The following RHEBL1 variants were observed in gnomAD, a reference collection of about 807,000 sequenced individuals.
RHEBL1 encodes GTPase RhebL1.
Under a neutral mutation model 27.4 loss-of-function variants are expected in RHEBL1, and 22 were observed. The observed-to-expected ratio is 0.80, with a 90% CI of 0.57 to 1.15. The LOEUF is 1.15. Among genes scored for constraint, RHEBL1 ranks in the 50% most tolerant of loss-of-function variants. RHEBL1 has a pLI of 0.00. For missense variants in RHEBL1, 186 were observed against 226.5 expected, an observed-to-expected ratio of 0.82 and a Z score of 1.15; for synonymous variants, 85 against 80.8, an observed-to-expected ratio of 1.05 and a Z score of -0.28.
In RHEBL1 at chr12:49,067,040, A is replaced by C; in HGVS notation, c.125-5T>G. 6.2e-7 allele frequency: 1 copy of C among 1,611,922 alleles called. No homozygotes were observed. Among genetic ancestry groups the C allele is most frequent in the Non-Finnish European group, 8.5e-7 (1 of 1,178,430 alleles). On this transcript the variant is annotated splice_region_variant and splice_polypyrimidine_tract_variant and intron_variant, in intron 2 of 7. Transcript: ENST00000301068. ...GAGTCACTATCTTGCTGTAAGCTGA[A>C]AAGAAAAGAAAACTTGACTGTGAAG...
At chr12:49,069,669 C>G in intron 1 of RHEBL1, 65 bp downstream of exon 1, 2 of 1,451,010 alleles carry the variant, frequency 1.4e-6, no homozygotes, top group Non-Finnish European at 1.9e-6. Context: ...CGCGTTCCCA[C>G]GGCAGCGCGC....
intron 2 of RHEBL1, among the ~76,000 whole-genome samples, chr12:49,068,161 C>T (rs1284974143): frequency 6.7e-6 from 1 of 149,734 alleles, no homozygotes; most frequent in Non-Finnish European, 1.5e-5. Context: ...CATTGCTTCA[C>T]TCTTGTTGCC....
Position 49,066,502 on chromosome 12 carries a change from C to T in RHEBL1, c.306G>A (p.Lys102=). Residue 102 remains lysine, a synonymous_variant, in exon 5 of 8, where the codon AAG becomes AAA. Transcript: ENST00000301068. ...GGGTTTTCCCATGGCCTTCATGTAGCTTTTGGTACAGACTCTCAATGACTT... is the reference window on the plus strand; with the variant it reads ...GGGTTTTCCCATGGCCTTCATGTAGTTTTTGGTACAGACTCTCAATGACTT... ...SFQVIESLYQ[K]LHEGHGKTRV... is the part of the protein sequence containing the mutation. The T allele has an allele frequency of 6.2e-7, 1 of 1,614,168 alleles. No individual in the cohort carries two copies. Among genetic ancestry groups the T allele is most frequent in the Non-Finnish European group, 8.5e-7 (1 of 1,180,038 alleles).
Position 49,066,842 on chromosome 12 carries a change from G to A in RHEBL1, c.192+126C>T, listed in dbSNP as rs1005711107. On this transcript the variant is annotated intron_variant, in intron 3 of 7. Transcript: ENST00000301068. The stretch of plus-strand genomic sequence containing the variant: ...CATGTATTTATGGAACAGCTCCAAT[G>A]AGCCCTGCATACTGTTAGCAGGTAA... 12 of 1,084,482 alleles carry A rather than the reference G, an allele frequency of 1.1e-5. No homozygotes were observed. In the African/African-American group the frequency reaches 1.9e-4, roughly 17 times the overall value. 67.2% of individuals were successfully genotyped at this position (1,084,482 alleles called of 1,614,324 possible). A position where few individuals can be genotyped will look rare whatever the true frequency, so the allele number is the denominator to read the frequency against.
At chr12:49,066,947 A>G (rs368086631) in intron 3 of RHEBL1, 21 bp downstream of exon 3, 45 of 1,601,330 alleles carry the variant, frequency 2.8e-5, no homozygotes, top group Non-Finnish European at 3.7e-5. Context: ...CCACATTTGG[A>G]TACCATACCC....
chr12:49,068,305 A>G (rs1939031561), intron 2 of RHEBL1, among the ~76,000 whole-genome samples: 1 of 149,584 alleles, frequency 6.7e-6, no homozygotes. Context: ...AATTTTTTGT[A>G]TTTTTAGTAG....
In RHEBL1 at chr12:49,067,048, GA is replaced by G; in HGVS notation, c.125-14del. 1.9e-6 allele frequency: 3 copies of G among 1,590,888 alleles called. No homozygotes were observed. The highest frequency in any genetic ancestry group is 3.8e-4 in the Middle Eastern group (2 of 5,290). On this transcript the variant is annotated splice_polypyrimidine_tract_variant and intron_variant, in intron 2 of 7. Coordinates refer to ENST00000301068, the MANE Select transcript of RHEBL1 (RefSeq NM_144593.3). The stretch of plus-strand genomic sequence containing the variant: ...ATCTTGCTGTAAGCTGAAAAGAAAA[GA>G]AAACTTGACTGTGAAGTGCCTTATA...
At chr12:49,068,012 A>T (rs1939024947) in intron 2 of RHEBL1, among the ~76,000 whole-genome samples, 1 of 151,974 alleles carries the variant, frequency 6.6e-6, no homozygotes, top group African/African-American at 2.4e-5. Flanking sequence ...AGCTATAGTC[A>T]CCCTACTGAT....
chr12:49,066,408 A>G, intron 5 of RHEBL1, 68 bp downstream of exon 5: 5 of 1,570,874 alleles, frequency 3.2e-6, no homozygotes, highest in Middle Eastern at 3.4e-4. Context: ...TAACTTGACA[A>G]TTCTCCCCTC....
In RHEBL1 at chr12:49,064,821, A is replaced by G. The variant is rs1421185067; in HGVS notation, c.*282T>C. The G allele has an allele frequency of 2.4e-6, 1 of 417,172 alleles. No individual in the cohort carries two copies. Among genetic ancestry groups the G allele is most frequent in the Non-Finnish European group, 4.4e-6 (1 of 226,616 alleles). 25.8% of individuals were successfully genotyped at this position (417,172 alleles called of 1,614,324 possible). A position where few individuals can be genotyped will look rare whatever the true frequency, so the allele number is the denominator to read the frequency against. On this transcript the variant is annotated 3_prime_UTR_variant, in exon 8 of 8. Transcript: ENST00000301068. Reference sequence around the variant, plus strand: ...GATGGGTCCTGGATAAATAATGCCCAGGACTCATATCCTGACCCCATAGGT... The same window carrying G: ...GATGGGTCCTGGATAAATAATGCCCGGGACTCATATCCTGACCCCATAGGT...
intron 6 of RHEBL1, among the ~76,000 whole-genome samples, chr12:49,065,922 C>G (rs1938989526): frequency 7.3e-6 from 1 of 137,774 alleles, no homozygotes; most frequent in Non-Finnish European, 1.6e-5. Flanking sequence ...AAGACTCCGT[C>G]TAAAAAAAAA....
At chr12:49,065,322 C>T in intron 7 of RHEBL1, 28 bp downstream of exon 7, 1 of 1,605,716 alleles carries the variant, frequency 6.2e-7, no homozygotes, top group South Asian at 1.1e-5. Context: ...GCTACCATCA[C>T]CACCCTTCTA....
chr12:49,065,394 ACT>A lies in RHEBL1; in HGVS notation c.416_417del (p.Glu139ValfsTer120), dbSNP rs766492721. The stretch of plus-strand genomic sequence containing the variant: ...GACTCCATAAATGTCGCACCCCAGG[ACT>A]CTGCCAGCTTCTTTCCTTCAACTGC... Reference protein sequence around the residue: ...VQAVEGKKLAESWGATFMESS... With the variant: ...VQAVEGKKLAXSWGATFMESS... On this transcript the variant is annotated frameshift_variant, in exon 7 of 8. Coordinates refer to ENST00000301068, the MANE Select transcript of RHEBL1 (RefSeq NM_144593.3). LOFTEE classifies it high-confidence loss of function. The A allele has an allele frequency of 2.0e-5, 32 of 1,613,966 alleles. No homozygotes were observed. The highest frequency in any genetic ancestry group is 2.6e-5 in the Non-Finnish European group (31 of 1,180,040).
rs1417891549 is a variant in RHEBL1 at position 49,064,969 on chromosome 12, G to A, written c.*134C>T. The A allele has an allele frequency of 4.5e-6, 3 of 669,706 alleles. No homozygotes were observed. Among genetic ancestry groups the A allele is most frequent in the African/African-American group, 3.6e-5 (2 of 56,176 alleles). The allele number at this position is 669,706 out of a possible 1,614,324, so 41.5% of individuals were successfully genotyped here. A position where few individuals can be genotyped will look rare whatever the true frequency, so the allele number is the denominator to read the frequency against. ...CCTGGGGAAAGTGTGCAAACATGAGGATGCCACACTGTGTGTCCAGGGGCC... is the reference window on the plus strand; with the variant it reads ...CCTGGGGAAAGTGTGCAAACATGAGAATGCCACACTGTGTGTCCAGGGGCC... On this transcript the variant is annotated 3_prime_UTR_variant, in exon 8 of 8. Coordinates refer to ENST00000301068, the MANE Select transcript of RHEBL1 (RefSeq NM_144593.3).
At chr12:49,067,974 A>C (rs936216001) in intron 2 of RHEBL1, among the ~76,000 whole-genome samples, 2 of 152,088 alleles carry the variant, frequency 1.3e-5, no homozygotes, top group Non-Finnish European at 2.9e-5. Flanking sequence ...TCTTCTAGCT[A>C]TTTTGAAATG....
rs1939009227 is a variant in RHEBL1, at chr12:49,067,031, G to A, written c.129C>T (p.Tyr43=). Residue 43 remains tyrosine (Y), a synonymous_variant, in exon 3 of 8, where the codon TAC becomes TAT. Transcript: ENST00000301068. ...EGYDPTVENT[Y]SKIVTLGKDE... The stretch of plus-strand genomic sequence containing the variant: ...CTTTGCCAAGAGTCACTATCTTGCT[G>A]TAAGCTGAAAAGAAAAGAAAACTTG... 1.2e-6 allele frequency: 2 copies of A among 1,611,014 alleles called. No homozygotes were observed. The highest frequency in any genetic ancestry group is 1.1e-5 in the South Asian group (1 of 91,062).
Position 49,064,816 on chromosome 12 carries a change from T to A in RHEBL1, c.*287A>T. Reference sequence around the variant, plus strand: ...AAGAGGATGGGTCCTGGATAAATAATGCCCAGGACTCATATCCTGACCCCA... The same window carrying A: ...AAGAGGATGGGTCCTGGATAAATAAAGCCCAGGACTCATATCCTGACCCCA... On this transcript the variant is annotated 3_prime_UTR_variant, in exon 8 of 8. Coordinates refer to ENST00000301068, the MANE Select transcript of RHEBL1 (RefSeq NM_144593.3). 2.6e-6 allele frequency: 1 copy of A among 379,608 alleles called. No homozygotes were observed. The highest frequency in any genetic ancestry group is 4.9e-6 in the Non-Finnish European group (1 of 205,992). 23.5% of individuals were successfully genotyped at this position (379,608 alleles called of 1,614,324 possible).
chr12:49,065,938 T>G (rs1405432429), intron 6 of RHEBL1, among the ~76,000 whole-genome samples: 2 of 146,120 alleles, frequency 1.4e-5, no homozygotes, highest in Admixed American at 6.8e-5. Flanking sequence ...AAAAAAAAAA[T>G]AGAGAAGAAA....
intron 1 of RHEBL1, 88 bp from the exon 2 acceptor site, chr12:49,069,194 G>A: frequency 1.9e-6 from 3 of 1,606,886 alleles, no homozygotes; most frequent in East Asian, 2.2e-5. Context: ...AGGACCAAAG[G>A]AGACCCCAAA....
Sources: gnomAD v4.1 joint callset for allele counts (sites outside exome capture counted in the v4.1 genomes callset) on GRCh38, gnomAD v4.1.1 for gene constraint, MANE v1.5 for transcripts, NCBI Gene and HGNC (gene_info 2026-07-23, HGNC 2026-07-21) for gene names.